Variants in RABGAP1L observed in about 807,000 individuals in gnomAD.
RABGAP1L encodes rab GTPase-activating protein 1-like.
A neutral mutation model predicts 137.7 loss-of-function variants in RABGAP1L; 63 were observed. That is an observed-to-expected ratio of 0.46 (90% CI 0.37 to 0.56). The LOEUF is 0.56. RABGAP1L is among the 20% of genes least tolerant of loss of function. RABGAP1L has a pLI of 0.00. For synonymous variants in RABGAP1L, 431 were observed against 433.7 expected, an observed-to-expected ratio of 0.99 and a Z score of 0.08; for missense variants, 1,095 against 1,244.0, an observed-to-expected ratio of 0.88 and a Z score of 1.80.
chr1:174,253,242 C>T (rs1018787527), intron 7 of RABGAP1L, among the ~76,000 whole-genome samples: 1 of 152,056 alleles, frequency 6.6e-6, no homozygotes, highest in African/African-American at 2.4e-5. Context: ...GGTCCTGATT[C>T]ACAAAAAGAC....
chr1:174,609,045 A>ACTTAACACTTATGCCTAATTAC (rs1193629981), intron 13 of RABGAP1L, among the ~76,000 whole-genome samples: 1 of 152,176 alleles, frequency 6.6e-6, no homozygotes, highest in Non-Finnish European at 1.5e-5. Flanking sequence ...ATTGTGAACT[A>ACTTAACACTTATGCCTAATTAC]CTTAACACTT....
rs542116799 is a variant in RABGAP1L at position 174,490,583 on chromosome 1, G to A, written c.1710+96438G>A. 9.2e-5 allele frequency among the ~76,000 whole-genome samples: 14 copies of A among 152,170 alleles called. No individual in the cohort carries two copies. The South Asian group carries it at 1.2e-3, about 14-fold the overall frequency. On this transcript the variant is annotated intron_variant, in intron 13 of 25. Coordinates refer to ENST00000681986, the MANE Select transcript of RABGAP1L (RefSeq NM_001366446.1). ...CCAGTATAACCACTACCAGGTTATC[G>A]CCTATGTTCTCTGAAGGCCCTAGGG...
chr1:174,629,000 T>C (rs954369123), intron 13 of RABGAP1L, among the ~76,000 whole-genome samples: 1 of 152,188 alleles, frequency 6.6e-6, no homozygotes, highest in Admixed American at 6.5e-5. Flanking sequence ...TTTTTGTCCT[T>C]CCTCTTTCTT....
intron 11 of RABGAP1L, among the ~76,000 whole-genome samples, chr1:174,335,663 C>G (rs893309106): frequency 6.6e-6 from 1 of 152,160 alleles, no homozygotes; most frequent in Non-Finnish European, 1.5e-5. Context: ...AACTGGCTTT[C>G]TGTTTGTTGG....
chr1:174,976,244 T>C (rs1457489679), intron 22 of RABGAP1L, 62 bp downstream of exon 22: 1 of 1,317,392 alleles, frequency 7.6e-7, no homozygotes, highest in Non-Finnish European at 1.1e-6. Flanking sequence ...ATTAACACTA[T>C]AAAAAAGAAG....
At chr1:174,833,324 G>A (rs1368691864) in intron 19 of RABGAP1L, among the ~76,000 whole-genome samples, 3 of 149,154 alleles carry the variant, frequency 2.0e-5, no homozygotes, top group Non-Finnish European at 3.0e-5. Flanking sequence ...CACAGCTACT[G>A]GAGTAGCTGG....
chr1:174,790,397 G>T (rs954075251), intron 18 of RABGAP1L, among the ~76,000 whole-genome samples: 2 of 152,108 alleles, frequency 1.3e-5, no homozygotes, highest in Non-Finnish European at 2.9e-5. Flanking sequence ...GCCAAGGTGG[G>T]TAGATCACCT....
intron 7 of RABGAP1L, among the ~76,000 whole-genome samples, chr1:174,261,987 A>G (rs1673615135): frequency 6.6e-6 from 1 of 152,194 alleles, no homozygotes; most frequent in Non-Finnish European, 1.5e-5. Flanking sequence ...TTTAAAAGCT[A>G]CCCTGTGAGC....
chr1:174,635,955 G>T (rs1374980326), intron 13 of RABGAP1L, among the ~76,000 whole-genome samples: 2 of 152,042 alleles, frequency 1.3e-5, no homozygotes, highest in Non-Finnish European at 2.9e-5. Flanking sequence ...CTTGATTTGA[G>T]ACTGAAGAGA....
intron 10 of RABGAP1L, among the ~76,000 whole-genome samples, chr1:174,297,755 A>G (rs1398606616): frequency 6.6e-6 from 1 of 152,200 alleles, no homozygotes; most frequent in East Asian, 1.9e-4. Flanking sequence ...GCCTGAAGGC[A>G]AGAATAGACA....
chr1:174,334,354 C>T (rs1483086986), intron 11 of RABGAP1L, among the ~76,000 whole-genome samples: 1 of 152,148 alleles, frequency 6.6e-6, no homozygotes. Context: ...CCAGCCTTGT[C>T]CCCTCCCCTG....
At chr1:174,621,281 A>G (rs2148270519) in intron 13 of RABGAP1L, among the ~76,000 whole-genome samples, 1 of 152,320 alleles carries the variant, frequency 6.6e-6, no homozygotes, top group South Asian at 2.1e-4. Flanking sequence ...ATACTCCCCA[A>G]GGTAATTTAT....
chr1:174,218,839 G>A lies in RABGAP1L; in HGVS notation c.-33-286G>A, dbSNP rs1669537916. ...ATTTCTAAGAGAAATGAGAGTGAGT[G>A]TGTCAGGTAAACAGTGATAAATCTG... On this transcript the variant is annotated intron_variant, in intron 1 of 25. Transcript: ENST00000681986. 2.0e-5 allele frequency among the ~76,000 whole-genome samples: 3 copies of A among 152,234 alleles called. No individual in the cohort carries two copies. In the South Asian group the frequency reaches 6.2e-4, roughly 32 times the overall value.
chr1:174,661,414 AAAG>A (rs1676361481), intron 14 of RABGAP1L, among the ~76,000 whole-genome samples: 1 of 152,208 alleles, frequency 6.6e-6, no homozygotes, highest in Non-Finnish European at 1.5e-5. Context: ...CTTGAGGAAA[AAAG>A]AACATGAGGA....
intron 19 of RABGAP1L, among the ~76,000 whole-genome samples, chr1:174,925,128 G>A (rs1490396183): frequency 2.6e-5 from 4 of 152,128 alleles, no homozygotes; most frequent in African/African-American, 7.2e-5. Flanking sequence ...CACTTTGGGA[G>A]GCTGAGGCGG....
intron 13 of RABGAP1L, among the ~76,000 whole-genome samples, chr1:174,597,338 A>T (rs112305430): frequency 6.6e-6 from 1 of 152,054 alleles, no homozygotes; most frequent in African/African-American, 2.4e-5. Context: ...TGAAGCCATC[A>T]TTTTCTGGGA....
chr1:174,317,746 G>A (rs1014291323), intron 11 of RABGAP1L, among the ~76,000 whole-genome samples: 6 of 152,168 alleles, frequency 3.9e-5, no homozygotes, highest in South Asian at 2.1e-4. Flanking sequence ...GGTCTAGACT[G>A]CCTTTCACAT....
intron 17 of RABGAP1L, chr1:174,705,403 A>G (rs1679974774): frequency 6.6e-6 from 1 of 152,222 alleles, no homozygotes; most frequent in African/African-American, 2.4e-5. Flanking sequence ...TAAATTTATT[A>G]GCCTTCCCGT....
chr1:174,464,083 A>G (rs1379541398), intron 13 of RABGAP1L, among the ~76,000 whole-genome samples: 1 of 152,170 alleles, frequency 6.6e-6, no homozygotes, highest in Non-Finnish European at 1.5e-5. Context: ...GTGTTCCATA[A>G]CTACACTTAA....
Sources: gnomAD v4.1 joint callset for allele counts (sites outside exome capture counted in the v4.1 genomes callset) on GRCh38, gnomAD v4.1.1 for gene constraint, MANE v1.5 for transcripts, NCBI Gene and HGNC (gene_info 2026-07-23, HGNC 2026-07-21) for gene names.